Variants in AATF observed in about 807,000 individuals in gnomAD.
AATF encodes the protein protein AATF.
Under a neutral mutation model 63.7 loss-of-function variants are expected in AATF, and 48 were observed. The observed-to-expected ratio is 0.75, with a 90% confidence interval of 0.60 to 0.96. The LOEUF is 0.96. Among genes scored for constraint, AATF ranks in the 40% least tolerant of loss-of-function variants. AATF has a pLI of 0.00. For synonymous variants in AATF, 258 were observed against 247.7 expected, an observed-to-expected ratio of 1.04 and a Z score of -0.39; for missense variants, 639 against 685.7, an observed-to-expected ratio of 0.93 and a Z score of 0.76.
At chr17:37,051,700 A>ACG (rs1157031938) in intron 11 of AATF, among the ~76,000 whole-genome samples, 1 of 137,764 alleles carries the variant, frequency 7.3e-6, no homozygotes, top group Admixed American at 7.2e-5. Context: ...ACAGACAGAC[A>ACG]CACACACACA....
At chr17:37,011,300 G>T (rs111787740) in intron 8 of AATF, among the ~76,000 whole-genome samples, 1 of 152,122 alleles carries the variant, frequency 6.6e-6, no homozygotes, top group Non-Finnish European at 1.5e-5. Flanking sequence ...GCTTGAAACC[G>T]GGAGGTGGAG....
intron 4 of AATF, among the ~76,000 whole-genome samples, chr17:36,968,962 T>G (rs1234839017): frequency 6.6e-6 from 1 of 152,222 alleles, no homozygotes; most frequent in Non-Finnish European, 1.5e-5. Context: ...CTGCATAGTC[T>G]GTTTCCTCTA....
chr17:36,952,357 A>G (rs562700701), intron 2 of AATF, among the ~76,000 whole-genome samples: 48 of 152,218 alleles, frequency 3.2e-4, no homozygotes, highest in Non-Finnish European at 6.3e-4. Context: ...GCAAGTATTA[A>G]ATTCTATTTG....
intron 7 of AATF, among the ~76,000 whole-genome samples, chr17:36,989,942 TA>T (rs1292667115): frequency 4.0e-5 from 6 of 148,172 alleles, no homozygotes; most frequent in African/African-American, 1.2e-4. Flanking sequence ...GAAATTTTTT[TA>T]TTTTTTTTGT....
intron 11 of AATF, chr17:37,055,955 C>T (rs2071794881): frequency 6.6e-6 from 1 of 152,282 alleles, no homozygotes; most frequent in African/African-American, 2.4e-5. Context: ...GTGTATGTTG[C>T]ATTTAAAAGA....
At chr17:36,971,532 CAT>C (rs1174377383) in intron 4 of AATF, among the ~76,000 whole-genome samples, 2 of 152,148 alleles carry the variant, frequency 1.3e-5, no homozygotes, top group African/African-American at 2.4e-5. Context: ...TAAAGCTAAA[CAT>C]ATATTCATCA....
intron 10 of AATF, among the ~76,000 whole-genome samples, chr17:37,027,384 C>T (rs941470569): frequency 6.6e-6 from 1 of 151,804 alleles, no homozygotes; most frequent in African/African-American, 2.4e-5. Flanking sequence ...AACATACACC[C>T]ATTTGCAGTG....
intron 4 of AATF, among the ~76,000 whole-genome samples, chr17:36,983,096 C>T (rs567112922): frequency 6.6e-6 from 1 of 152,050 alleles, no homozygotes; most frequent in South Asian, 2.1e-4. Flanking sequence ...AGCTGGAGTA[C>T]AGTGGCGTGA....
intron 4 of AATF, among the ~76,000 whole-genome samples, chr17:36,960,234 G>C (rs1321649497): frequency 2.6e-5 from 4 of 152,120 alleles, no homozygotes; most frequent in African/African-American, 9.7e-5. Context: ...GGCCGGTCTT[G>C]AACTCCTGAC....
intron 11 of AATF, among the ~76,000 whole-genome samples, chr17:37,044,581 A>G (rs1380786557): frequency 6.6e-6 from 1 of 152,148 alleles, no homozygotes. Context: ...GCTATATACT[A>G]TATACTATAG....
chr17:36,973,164 T>C (rs192135458), intron 4 of AATF, among the ~76,000 whole-genome samples: 169 of 152,330 alleles, frequency 1.1e-3, no homozygotes, highest in Middle Eastern at 3.4e-3. Flanking sequence ...TAACAATTAT[T>C]TCACAACTCA....
chr17:37,038,743 T>C (rs780818537), intron 11 of AATF, among the ~76,000 whole-genome samples: 9 of 152,044 alleles, frequency 5.9e-5, no homozygotes, highest in Middle Eastern at 3.2e-3. Context: ...CCCTGTTCTC[T>C]CCCCAAAAAT....
At chr17:36,958,319 C>T (rs8068112) in intron 4 of AATF, among the ~76,000 whole-genome samples, 5,768 of 152,134 alleles carry the variant, frequency 0.038, 362 homozygotes, top group African/African-American at 0.13. Context: ...CATGCCACCA[C>T]ACCCGGCTAA....
intron 4 of AATF, among the ~76,000 whole-genome samples, chr17:36,958,518 G>A (rs1248103843): frequency 5.9e-5 from 9 of 152,062 alleles, no homozygotes; most frequent in Admixed American, 4.6e-4. Context: ...TATGTTGGTG[G>A]CAATGATATG....
At chr17:36,950,504 G>T (rs765468701) in intron 2 of AATF, 99 bp downstream of exon 2, 21 of 1,245,698 alleles carry the variant, frequency 1.7e-5, no homozygotes, top group Non-Finnish European at 2.0e-5. Flanking sequence ...AGTAGTCTGC[G>T]GATCTTTTTT....
chr17:36,963,594 T>C (rs2070966527), intron 4 of AATF, among the ~76,000 whole-genome samples: 2 of 152,242 alleles, frequency 1.3e-5, no homozygotes, highest in South Asian at 4.1e-4. Flanking sequence ...AAATTGTTTT[T>C]TTAAAATCAC....
intron 10 of AATF, chr17:37,031,361 A>G (rs1454247514): frequency 7.5e-6 from 4 of 530,772 alleles, no homozygotes; most frequent in East Asian, 3.1e-5. Context: ...GCCATTTTAT[A>G]TAAGGAACTT....
At chr17:36,958,151 TTC>T (rs775957064) in intron 4 of AATF, among the ~76,000 whole-genome samples, 3 of 149,622 alleles carry the variant, frequency 2.0e-5, no homozygotes, top group Non-Finnish European at 4.4e-5. Flanking sequence ...GGTTTGCTTT[TTC>T]TCTCTTTCTT....
Position 37,047,701 on chromosome 17 carries a change from G to A in AATF, c.1620-8900G>A, listed in dbSNP as rs565529865. On this transcript the variant is annotated intron_variant, in intron 11 of 11. Transcript: ENST00000619387. Reference sequence around the variant, plus strand: ...CTAGTTCTGACCTGACCAAAAGAACGAATTGGAACAGACCTTCTAGAGTCT... The same window carrying A: ...CTAGTTCTGACCTGACCAAAAGAACAAATTGGAACAGACCTTCTAGAGTCT... Among the ~76,000 whole-genome samples the A allele has an allele frequency of 3.3e-5, 5 of 152,356 alleles. No homozygotes were observed. In the South Asian group the frequency reaches 1.0e-3, roughly 32 times the overall value.
Sources: allele counts gnomAD v4.1 joint callset (sites outside exome capture counted in the v4.1 genomes callset), GRCh38; gene constraint gnomAD v4.1.1; transcripts MANE v1.5; gene names NCBI Gene and HGNC (gene_info 2026-07-23, HGNC 2026-07-21).